TXLNG: variants seen among roughly 807,000 people sequenced by gnomAD.
TXLNG encodes the protein taxilin gamma.
In TXLNG, 5 loss-of-function variants were observed where a neutral mutation model predicts 38.8. The observed-to-expected ratio is 0.13, with a 90% confidence interval of 0.07 to 0.27. The LOEUF (loss-of-function observed/expected upper bound fraction) is 0.27. Among genes scored for constraint, TXLNG ranks in the 10% least tolerant of loss-of-function variants. The probability of loss-of-function intolerance (pLI) is 1.00; values close to 1 mark genes in which losing one functional copy is unlikely to be tolerated. For synonymous variants in TXLNG, 182 were observed against 158.2 expected, an observed-to-expected ratio of 1.15 and a Z score of -1.13; for missense variants, 393 against 398.2, an observed-to-expected ratio of 0.99 and a Z score of 0.11.
intron 1 of TXLNG, among the ~76,000 whole-genome samples, chrX:16,806,395 G>T (rs149279476): frequency 8.9e-6 from 1 of 112,389 alleles, no homozygotes; most frequent in Admixed American, 9.4e-5. Flanking sequence ...ACTGTTGTCC[G>T]TACACTCCTG....
intron 3 of TXLNG, among the ~76,000 whole-genome samples, chrX:16,820,725 T>C (rs1041924577): frequency 5.3e-5 from 6 of 112,889 alleles, no homozygotes; most frequent in Non-Finnish European, 1.1e-4. Context: ...TTTTCCATTT[T>C]CTAGAAACAG....
chrX:16,822,440 T>A (rs1210870032), intron 3 of TXLNG, among the ~76,000 whole-genome samples: 6 of 111,759 alleles, frequency 5.4e-5, no homozygotes, highest in Non-Finnish European at 1.1e-4. Context: ...TTTCACTATT[T>A]GTAGCAACAG....
chrX:16,812,177 C>CT (rs11288519), intron 1 of TXLNG, among the ~76,000 whole-genome samples: 1,142 of 95,320 alleles, frequency 0.012, 24 homozygotes, highest in African/African-American at 0.042. Flanking sequence ...CTAATTTTTG[C>CT]TTTTTTTTTT....
intron 1 of TXLNG, among the ~76,000 whole-genome samples, chrX:16,810,472 G>A (rs908939962): frequency 3.6e-5 from 4 of 111,576 alleles, no homozygotes; most frequent in Admixed American, 9.6e-5. Context: ...GAAAAATTGG[G>A]GCCTGCTATT....
intron 1 of TXLNG, among the ~76,000 whole-genome samples, chrX:16,804,971 A>ACCC (rs755782507): frequency 5.9e-4 from 1 of 1,685 alleles, no homozygotes; most frequent in Non-Finnish European, 8.9e-4. Context: ...ACCACTGCCC[A>ACCC]CCCCCCCCCC....
At chrX:16,808,773 C>T (rs1045416458) in intron 1 of TXLNG, among the ~76,000 whole-genome samples, 8 of 111,300 alleles carry the variant, frequency 7.2e-5, no homozygotes, top group African/African-American at 1.3e-4. Context: ...TTTATTCATC[C>T]GGTCTATTAT....
At chrX:16,840,025 A>G (rs1400064366) in intron 9 of TXLNG, 109 bp downstream of exon 9, 2 of 569,479 alleles carry the variant, frequency 3.5e-6, no homozygotes, top group Non-Finnish European at 5.4e-6. Flanking sequence ...ACCATAGTTG[A>G]GGACTCCAGC....
chrX:16,823,622 T>C (rs1929065307), intron 3 of TXLNG, among the ~76,000 whole-genome samples: 1 of 111,299 alleles, frequency 9.0e-6, no homozygotes, highest in Admixed American at 9.6e-5. Context: ...TTGTGCTTGT[T>C]GCACTGACAT....
rs781455729 is a variant in TXLNG, at chrX:16,841,752, G to T, written c.1573G>T (p.Glu525Ter). The T allele has an allele frequency of 3.1e-5, 37 of 1,207,743 alleles. No homozygotes were observed. Among genetic ancestry groups the T allele is most frequent in the Non-Finnish European group, 3.7e-5 (33 of 894,103 alleles). Residue 525 changes from glutamate to a stop codon, truncating the protein, a stop_gained, in exon 10 of 10, where the codon GAG becomes TAG. Transcript: ENST00000380122. LOFTEE classifies it high-confidence loss of function. The part of the protein sequence containing the change: ...PPSTGSAPAI[E>*]SVD ...GTCCACAGGCTCTGCTCCGGCCATCGAGTCGGTTGACTAAGATGAGGTGTG... is the reference window on the plus strand; with the variant it reads ...GTCCACAGGCTCTGCTCCGGCCATCTAGTCGGTTGACTAAGATGAGGTGTG...
intron 1 of TXLNG, among the ~76,000 whole-genome samples, chrX:16,810,272 G>A (rs1293818817): frequency 8.9e-6 from 1 of 112,063 alleles, no homozygotes; most frequent in African/African-American, 3.2e-5. Flanking sequence ...CATCCAGAAT[G>A]GGCATCAGAG....
In TXLNG at chrX:16,843,121, T is replaced by G. The variant is rs957072474; in HGVS notation, c.*1355T>G. ...TTGAAATGCTTTATGAAATAAAAGG[T>G]TCTACTAGAACTGATGTTAGCACAT... On this transcript the variant is annotated 3_prime_UTR_variant, in exon 10 of 10. Transcript: ENST00000380122. 1 of 112,461 alleles carries G rather than the reference T, an allele frequency of 8.9e-6. No individual in the cohort carries two copies. The highest frequency in any genetic ancestry group is 3.2e-5 in the African/African-American group (1 of 30,972). 9.3% of individuals were successfully genotyped at this position (112,461 alleles called of 1,213,427 possible).
chrX:16,800,204 TC>T (rs1477897908), intron 1 of TXLNG, among the ~76,000 whole-genome samples: 5 of 112,205 alleles, frequency 4.5e-5, no homozygotes, highest in African/African-American at 1.6e-4. Flanking sequence ...TCTCCCAAAG[TC>T]CTGGGATTAC....
rs1463602527 is a variant in TXLNG at position 16,841,713 on chromosome X, G to T, written c.1534G>T (p.Val512Leu). ...EAEPKSQRSA[V>L]QKPPSTGSAP... ...TGAGCCCAAGAGTCAGAGAAGCGCT[G>T]TGCAAAAGCCCCCGTCCACAGGCTC... is the stretch of plus-strand genomic sequence containing the variant. The change falls in exon 10 of 10, where the codon GTG becomes TTG. Residue 512 changes from valine (V) to leucine (L), a missense_variant. Coordinates refer to ENST00000380122, the MANE Select transcript of TXLNG (RefSeq NM_018360.3). 8.3e-7 allele frequency: 1 copy of T among 1,211,939 alleles called. No individual in the cohort carries two copies. The highest frequency in any genetic ancestry group is 3.0e-5 in the East Asian group (1 of 33,867).
chrX:16,834,512 G>C (rs973831055), intron 7 of TXLNG, among the ~76,000 whole-genome samples, 155 bp downstream of exon 7: 1 of 111,337 alleles, frequency 9.0e-6, no homozygotes, highest in Non-Finnish European at 1.9e-5. Flanking sequence ...GGCCCTCTTG[G>C]TATTTTCCAC....
At chrX:16,799,640 G>A (rs1458504412) in intron 1 of TXLNG, among the ~76,000 whole-genome samples, 1 of 109,651 alleles carries the variant, frequency 9.1e-6, no homozygotes, top group Non-Finnish European at 1.9e-5. Context: ...GCATGGTGGC[G>A]GGCACCTGTA....
At chrX:16,808,082 T>A (rs1023880001) in intron 1 of TXLNG, among the ~76,000 whole-genome samples, 2 of 111,808 alleles carry the variant, frequency 1.8e-5, no homozygotes, top group Non-Finnish European at 3.8e-5. Context: ...TTTGAAGGCA[T>A]CTCTTGGTCA....
chrX:16,842,393 T>C lies in TXLNG; in HGVS notation c.*627T>C, dbSNP rs988169909. On this transcript the variant is annotated 3_prime_UTR_variant, in exon 10 of 10. Coordinates refer to ENST00000380122, the MANE Select transcript of TXLNG (RefSeq NM_018360.3). The stretch of plus-strand genomic sequence containing the variant: ...TGTCACTTGTGGACAAAATAGTACA[T>C]AGAGGCAAATCACTAGACAAATAAG... 3 of 111,750 alleles carry C rather than the reference T, an allele frequency of 2.7e-5. No individual in the cohort carries two copies. The highest frequency in any genetic ancestry group is 5.6e-5 in the Non-Finnish European group (3 of 53,275). The allele number at this position is 111,750 out of a possible 1,213,427, so 9.2% of individuals were successfully genotyped here.
At position 16,821,757 on chromosome X, in the gene TXLNG, A is replaced by G. The variant is rs368575325; in HGVS notation, c.498+1502A>G. 3.4e-3 allele frequency among the ~76,000 whole-genome samples: 342 copies of G among 100,031 alleles called. No individual in the cohort carries two copies. The Middle Eastern group carries it at 0.088, about 26-fold the overall frequency. The allele number at this position is 100,031 out of a possible 115,157, so 86.9% of individuals were successfully genotyped here. On this transcript the variant is annotated intron_variant, in intron 3 of 9. Coordinates refer to ENST00000380122, the MANE Select transcript of TXLNG (RefSeq NM_018360.3). ...TGTAATCCCAGCACTTTGGGAGGCC[A>G]AGGTGGGCGGATCACGAGGTCAGGA...
intron 8 of TXLNG, among the ~76,000 whole-genome samples, chrX:16,838,480 T>C (rs1220918614): frequency 8.9e-6 from 1 of 112,128 alleles, no homozygotes; most frequent in Non-Finnish European, 1.9e-5. Flanking sequence ...CGTGTGACTA[T>C]GGACAAATTG....
Sources: allele counts gnomAD v4.1 joint callset (sites outside exome capture counted in the v4.1 genomes callset), GRCh38; gene constraint gnomAD v4.1.1; transcripts MANE v1.5; gene names NCBI Gene and HGNC (gene_info 2026-07-23, HGNC 2026-07-21).